The following TRHR variants were observed in gnomAD, a reference collection of about 807,000 sequenced individuals.
The protein encoded by TRHR is thyrotropin-releasing hormone receptor.
In TRHR, 14 loss-of-function variants were observed where a neutral mutation model predicts 28.0. That is an observed-to-expected ratio of 0.50 (90% CI 0.33 to 0.78). The LOEUF (loss-of-function observed/expected upper bound fraction) is 0.78, where lower values mean the gene tolerates loss of function less well. TRHR is among the 30% of genes least tolerant of loss of function. The pLI is 0.02. For missense variants in TRHR, 438 were observed against 469.5 expected, an observed-to-expected ratio of 0.93 and a Z score of 0.62; for synonymous variants, 176 against 171.9, an observed-to-expected ratio of 1.02 and a Z score of -0.18.
At chr8:109,088,923 TA>T (rs1237494865) in intron 2 of TRHR, among the ~76,000 whole-genome samples, 1 of 152,120 alleles carries the variant, frequency 6.6e-6, no homozygotes, top group East Asian at 1.9e-4. Flanking sequence ...AATGTTCCAA[TA>T]AAAAAGACAA....
At chr8:109,095,087 G>T (rs1811569394) in intron 2 of TRHR, among the ~76,000 whole-genome samples, 1 of 151,738 alleles carries the variant, frequency 6.6e-6, no homozygotes. Context: ...TTTGCAGTAG[G>T]TCATTCTTAT....
intron 2 of TRHR, among the ~76,000 whole-genome samples, chr8:109,090,208 T>A (rs1384471171): frequency 6.6e-6 from 1 of 152,218 alleles, no homozygotes; most frequent in East Asian, 1.9e-4. Context: ...TAAGGATCCA[T>A]GAAATACCTC....
Position 109,120,446 on chromosome 8 carries a change from C to G in TRHR, c.*991C>G, listed in dbSNP as rs757161890. Among the ~76,000 whole-genome samples, 1 of 151,658 alleles carries G rather than the reference C, an allele frequency of 6.6e-6. No homozygotes were observed. Among genetic ancestry groups the G allele is most frequent in the Non-Finnish European group, 1.5e-5 (1 of 67,814 alleles). On this transcript the variant is annotated 3_prime_UTR_variant, in exon 3 of 3. Transcript: ENST00000518632. ...AAGCTTTGTTGTTATTCTAAGTCAG[C>G]CAAAATCCTGGTATCCCTCTTCCAG...
chr8:109,088,032 G>A lies in TRHR; in HGVS notation c.520G>A (p.Ala174Thr). 1.9e-6 allele frequency: 3 copies of A among 1,613,970 alleles called. No homozygotes were observed. The highest frequency in any genetic ancestry group is 2.5e-6 in the Non-Finnish European group (3 of 1,180,016). ...LDLNISTYKD[A>T]IVISCGYKIS... ...TCTCAATATTAGCACCTACAAAGAT[G>A]CTATTGTGATATCCTGTGGCTACAA... The change falls in exon 2 of 3, where the codon GCT (alanine) becomes ACT (threonine). Residue 174 changes from alanine (A) to threonine (T), a missense_variant. Physicochemically the swap from Ala to Thr is moderately conservative, Grantham distance 58. Coordinates refer to ENST00000518632, the MANE Select transcript of TRHR (RefSeq NM_003301.7).
Position 109,119,249 on chromosome 8 carries a change from T to G in TRHR, c.991T>G (p.Phe331Val), listed in dbSNP as rs1811966707. 6.2e-7 allele frequency: 1 copy of G among 1,612,716 alleles called. No individual in the cohort carries two copies. The highest frequency in any genetic ancestry group is 1.1e-5 in the South Asian group (1 of 91,060). The stretch of plus-strand genomic sequence containing the variant: ...CATGTCCCAGAAATTCCGTGCAGCC[T>G]TCAGAAAGCTCTGCAACTGCAAGCA... Reference protein sequence around the residue: ...NLMSQKFRAAFRKLCNCKQKP... With the variant: ...NLMSQKFRAAVRKLCNCKQKP... Residue 331 changes from phenylalanine (F) to valine (V), a missense_variant, in exon 3 of 3, where the codon TTC (phenylalanine) becomes GTC (valine). By Grantham distance (50) the Phe-to-Val change is conservative. Transcript: ENST00000518632.
chr8:109,087,405 T>C lies in TRHR; in HGVS notation c.-88-20T>C, dbSNP rs1230578471. 5 of 1,166,674 alleles carry C rather than the reference T, an allele frequency of 4.3e-6. No homozygotes were observed. Among genetic ancestry groups the C allele is most frequent in the Non-Finnish European group, 6.2e-6 (5 of 800,870 alleles). The allele number at this position is 1,166,674 out of a possible 1,614,324, so 72.3% of individuals were successfully genotyped here. A position where few individuals can be genotyped will look rare whatever the true frequency, so the allele number is the denominator to read the frequency against. On this transcript the variant is annotated intron_variant, in intron 1 of 2. Coordinates refer to ENST00000518632, the MANE Select transcript of TRHR (RefSeq NM_003301.7). ...GAAATTGTAACACTGTTAATGAATA[T>C]GTACTATGACCCTTCACAGGGGGAT...
chr8:109,105,308 C>A (rs1371559945), intron 2 of TRHR, among the ~76,000 whole-genome samples: 1 of 152,068 alleles, frequency 6.6e-6, no homozygotes, highest in East Asian at 1.9e-4. Context: ...CTGCTTTTTC[C>A]CACACTTGCC....
intron 2 of TRHR, among the ~76,000 whole-genome samples, chr8:109,115,038 C>T (rs1811898168): frequency 6.6e-6 from 1 of 151,996 alleles, no homozygotes; most frequent in Admixed American, 6.6e-5. Context: ...TCTCAAGGAC[C>T]TTTAAATCTT....
intron 2 of TRHR, among the ~76,000 whole-genome samples, chr8:109,098,711 G>A (rs1811633452): frequency 6.6e-6 from 1 of 152,088 alleles, no homozygotes; most frequent in African/African-American, 2.4e-5. Flanking sequence ...ATGCCTGCAA[G>A]CCAGCATGCA....
At position 109,119,395 on chromosome 8, in the gene TRHR, CACAA is replaced by C. The variant is rs748288316; in HGVS notation, c.1139_1142del (p.Thr380LysfsTer21). On this transcript the variant is annotated frameshift_variant, in exon 3 of 3. Coordinates refer to ENST00000518632, the MANE Select transcript of TRHR (RefSeq NM_003301.7). LOFTEE classifies it high-confidence loss of function. ...CTGTCACTGACACTTACCTGTCTGCCACAAAAGTGTCTTTTGATGACACCTGCTT... is the reference window on the plus strand; with the variant it reads ...CTGTCACTGACACTTACCTGTCTGCCAAGTGTCTTTTGATGACACCTGCTT... 38 of 1,612,288 alleles carry C rather than the reference CACAA, an allele frequency of 2.4e-5. No homozygotes were observed. Among genetic ancestry groups the C allele is most frequent in the Non-Finnish European group, 3.0e-5 (35 of 1,179,058 alleles).
intron 1 of TRHR, 58 bp from the exon 2 acceptor site, chr8:109,087,367 T>C: frequency 1.2e-6 from 1 of 868,198 alleles, no homozygotes; most frequent in South Asian, 1.5e-5. Context: ...TATTTGTGAT[T>C]GGGACTTGAT....
chr8:109,100,434 A>C (rs1811660657), intron 2 of TRHR, among the ~76,000 whole-genome samples: 1 of 151,532 alleles, frequency 6.6e-6, no homozygotes. Context: ...GGAATTAAGC[A>C]TGGTTTTTTT....
intron 2 of TRHR, among the ~76,000 whole-genome samples, chr8:109,109,389 C>T (rs538957908): frequency 6.6e-6 from 1 of 151,576 alleles, no homozygotes; most frequent in African/African-American, 2.4e-5. Flanking sequence ...TGACATCAGT[C>T]TTATCCTCTC....
At position 109,087,622 on chromosome 8, in the gene TRHR, G is replaced by T. The variant is rs756482398; in HGVS notation, c.110G>T (p.Gly37Val). Residue 37 changes from glycine to valine, a missense_variant, in exon 2 of 3, where the codon GGC becomes GTC. Transcript: ENST00000518632. ...VTILLVLIICGLGIVGNIMVV... is the reference protein window; with the variant it reads ...VTILLVLIICVLGIVGNIMVV... ...ATCTTACTTGTACTCATTATTTGTGGCCTGGGCATTGTAGGCAACATCATG... is the reference window on the plus strand; with the variant it reads ...ATCTTACTTGTACTCATTATTTGTGTCCTGGGCATTGTAGGCAACATCATG... The T allele has an allele frequency of 5.6e-6, 9 of 1,614,128 alleles. No homozygotes were observed. The Middle Eastern group carries it at 5.0e-4, about 89-fold the overall frequency.
chr8:109,087,776 C>T lies in TRHR; in HGVS notation c.264C>T (p.Tyr88=), dbSNP rs763556482. 6.8e-6 allele frequency: 11 copies of T among 1,614,024 alleles called. No individual in the cohort carries two copies. The highest frequency in any genetic ancestry group is 1.6e-4 in the Middle Eastern group (1 of 6,084). The change falls in exon 2 of 3, where the codon TAC becomes TAT. Residue 88 remains tyrosine, a synonymous_variant. Coordinates refer to ENST00000518632, the MANE Select transcript of TRHR (RefSeq NM_003301.7). ...TCCCCAACATAACAGACAGTATCTA[C>T]GGTTCCTGGGTCTATGGCTATGTTG... ...AGLPNITDSI[Y]GSWVYGYVGC...
intron 2 of TRHR, among the ~76,000 whole-genome samples, chr8:109,094,017 C>G (rs3134114): frequency 0.6 from 91,797 of 151,924 alleles, 27,893 homozygotes; most frequent in South Asian, 0.73. Context: ...AGGCAGTAGG[C>G]CTGGCATTTG....
intron 2 of TRHR, among the ~76,000 whole-genome samples, chr8:109,108,469 T>TA (rs1811784371): frequency 6.6e-6 from 1 of 152,146 alleles, no homozygotes; most frequent in Admixed American, 6.5e-5. Context: ...AGAGAAGTGT[T>TA]ACAGCTAGCA....
At position 109,087,408 on chromosome 8, in the gene TRHR, A is replaced by G; in HGVS notation, c.-88-17A>G. On this transcript the variant is annotated splice_polypyrimidine_tract_variant and intron_variant, in intron 1 of 2. Coordinates refer to ENST00000518632, the MANE Select transcript of TRHR (RefSeq NM_003301.7). The stretch of plus-strand genomic sequence containing the variant: ...ATTGTAACACTGTTAATGAATATGT[A>G]CTATGACCCTTCACAGGGGGATGGA... 8.3e-7 allele frequency: 1 copy of G among 1,197,938 alleles called. No homozygotes were observed. Among genetic ancestry groups the G allele is most frequent in the Non-Finnish European group, 1.2e-6 (1 of 826,874 alleles). The allele number at this position is 1,197,938 out of a possible 1,614,324, so 74.2% of individuals were successfully genotyped here.
At chr8:109,118,885 C>G (rs1237349635) in intron 2 of TRHR, among the ~76,000 whole-genome samples, 163 bp from the exon 3 acceptor site, 3 of 151,786 alleles carry the variant, frequency 2.0e-5, no homozygotes, top group East Asian at 1.9e-4. Flanking sequence ...AATTGATAAC[C>G]CTTAATCCTG....
Sources: gnomAD v4.1 joint callset for allele counts (sites outside exome capture counted in the v4.1 genomes callset) on GRCh38, gnomAD v4.1.1 for gene constraint, MANE v1.5 for transcripts, NCBI Gene and HGNC (gene_info 2026-07-23, HGNC 2026-07-21) for gene names.